KIF15: variants seen among roughly 807,000 people sequenced by gnomAD.
KIF15 encodes the protein kinesin family member 15.
In KIF15, 140 loss-of-function variants were observed where a neutral mutation model predicts 190.6. The ratio of observed to expected loss-of-function variants is 0.73; its 90% confidence interval spans 0.64 to 0.84. KIF15 has a LOEUF of 0.84. Ranked by LOEUF, KIF15 falls within the 40% of genes least tolerant of loss-of-function variation. The pLI is 0.00. For missense variants in KIF15, 1,372 were observed against 1,584.4 expected (o/e 0.87, Z 2.28); for synonymous variants, 528 against 551.3 (o/e 0.96, Z 0.59).
At chr3:44,813,995 G>A (rs570695053) in intron 19 of KIF15, among the ~76,000 whole-genome samples, 1 of 152,218 alleles carries the variant, frequency 6.6e-6, no homozygotes, top group African/African-American at 2.4e-5. Context: ...ACAAAGCGTA[G>A]GTTATATATT....
chr3:44,775,301 C>T lies in KIF15; in HGVS notation c.110C>T (p.Ala37Val). ...GTTTTTGTGCGAATTCGTCCTCCTG[C>T]AGAAAGATCTGGGTCAGCTGATGGA... ...IKVFVRIRPPAERSGSADGEQ... is the reference protein window; with the variant it reads ...IKVFVRIRPPVERSGSADGEQ... The change falls in exon 3 of 35, where the codon GCA becomes GTA. Residue 37 changes from alanine (A) to valine (V), a missense_variant. Transcript: ENST00000326047. 1 of 1,613,970 alleles carries T rather than the reference C, an allele frequency of 6.2e-7. No individual in the cohort carries two copies. The highest frequency in any genetic ancestry group is 1.1e-5 in the South Asian group (1 of 91,066).
At position 44,794,476 on chromosome 3, in the gene KIF15, G is replaced by A. The variant is rs765898506; in HGVS notation, c.849+50G>A. 8 of 1,372,598 alleles carry A rather than the reference G, an allele frequency of 5.8e-6. No individual in the cohort carries two copies. In the East Asian group the frequency reaches 1.2e-4, roughly 20 times the overall value. 85.0% of individuals were successfully genotyped at this position (1,372,598 alleles called of 1,614,324 possible). On this transcript the variant is annotated intron_variant, in intron 8 of 34. Transcript: ENST00000326047. Reference sequence around the variant, plus strand: ...ACTTGTGTGTGAGTTCTTACTAGCAGTCAATACAGTCGTGATGCATGACAG... The same window carrying A: ...ACTTGTGTGTGAGTTCTTACTAGCAATCAATACAGTCGTGATGCATGACAG...
rs1300020788 is a variant in KIF15, at chr3:44,859,957, G to A, written c.*59+7163G>A. Among the ~76,000 whole-genome samples the A allele has an allele frequency of 2.6e-5, 4 of 152,280 alleles. No homozygotes were observed. In the South Asian group the frequency reaches 8.3e-4, roughly 32 times the overall value. On this transcript the variant is annotated intron_variant and NMD_transcript_variant, in intron 6 of 6. Transcript: ENST00000422209. ...TCACTTCCCAGCAGTGTCTGAGGAT[G>A]GCATCACTTCAGCCATCATCACCAG...
At chr3:44,833,717 G>A (rs1459697833) in intron 26 of KIF15, among the ~76,000 whole-genome samples, 3 of 152,152 alleles carry the variant, frequency 2.0e-5, no homozygotes, top group African/African-American at 2.4e-5. Context: ...CTGTGGCCTA[G>A]GGGCTGGGGG....
chr3:44,828,841 C>G (rs1399622931), intron 24 of KIF15, among the ~76,000 whole-genome samples: 2 of 151,648 alleles, frequency 1.3e-5, no homozygotes, highest in Non-Finnish European at 2.9e-5. Flanking sequence ...AGTTCGAGAC[C>G]AGCCTGACCA....
intron 13 of KIF15, among the ~76,000 whole-genome samples, 174 bp downstream of exon 13, chr3:44,802,148 G>A (rs933661046): frequency 6.6e-6 from 1 of 152,230 alleles, no homozygotes; most frequent in African/African-American, 2.4e-5. Flanking sequence ...AAAGGGAAGA[G>A]AAGGGGAGAA....
At chr3:44,840,826 G>A (rs11926748) in intron 28 of KIF15, among the ~76,000 whole-genome samples, 91,329 of 151,426 alleles carry the variant, frequency 0.6, 28,171 homozygotes, top group East Asian at 0.89. Flanking sequence ...ACACTGCCAC[G>A]CCTGGCTAAT....
chr3:44,799,634 G>GC (rs1205752105), intron 10 of KIF15, among the ~76,000 whole-genome samples: 1 of 149,776 alleles, frequency 6.7e-6, no homozygotes, highest in Non-Finnish European at 1.5e-5. Flanking sequence ...TGTGTGACCT[G>GC]CCCCACTCTT....
intron 23 of KIF15, among the ~76,000 whole-genome samples, chr3:44,827,811 T>C (rs1291418339): frequency 6.6e-6 from 1 of 152,050 alleles, no homozygotes; most frequent in African/African-American, 2.4e-5. Context: ...GCCTCTCGAG[T>C]AGCTGGGACT....
chr3:44,837,360 G>T (rs981018610), intron 26 of KIF15, among the ~76,000 whole-genome samples: 2 of 152,048 alleles, frequency 1.3e-5, no homozygotes, highest in Admixed American at 6.5e-5. Context: ...TCAGCCTAAA[G>T]AAATAATCTA....
intron 17 of KIF15, among the ~76,000 whole-genome samples, chr3:44,811,411 T>C (rs141276045): frequency 0.019 from 2,838 of 152,268 alleles, 76 homozygotes; most frequent in African/African-American, 0.064. Flanking sequence ...TTTGGGAGGC[T>C]GAGGCAGGCA....
chr3:44,787,959 A>G (rs989704117), intron 7 of KIF15, among the ~76,000 whole-genome samples: 5 of 152,022 alleles, frequency 3.3e-5, no homozygotes, highest in East Asian at 1.9e-4. Context: ...GGTTCAAGCA[A>G]TTCTCGTGCC....
intron 34 of KIF15, 62 bp from the exon 35 acceptor site, chr3:44,852,611 A>C (rs556551577): frequency 9.9e-5 from 128 of 1,294,162 alleles, no homozygotes; most frequent in East Asian, 4.5e-4. Flanking sequence ...GCAAAAAAAA[A>C]CCACTTCCTG....
rs116404700 is a variant in KIF15 at position 44,792,018 on chromosome 3, C to T, written c.640-2199C>T. ...ACAGGCGTGAGCCATAGTGCCCGGC[C>T]GCTTTTTTTAGATAATAGTATTTTG... On this transcript the variant is annotated intron_variant, in intron 7 of 34. Coordinates refer to ENST00000326047, the MANE Select transcript of KIF15 (RefSeq NM_020242.3). 9.0e-3 allele frequency among the ~76,000 whole-genome samples: 1,371 copies of T among 152,104 alleles called. 19 individuals carry two copies. The highest frequency in any genetic ancestry group is 0.03 in the African/African-American group (1,245 of 41,482).
chr3:44,789,471 C>A (rs1218235475), intron 7 of KIF15, among the ~76,000 whole-genome samples: 1 of 151,162 alleles, frequency 6.6e-6, no homozygotes, highest in Admixed American at 6.6e-5. Context: ...GGATTAATAA[C>A]CTTTTTCTTA....
intron 20 of KIF15, among the ~76,000 whole-genome samples, chr3:44,816,796 A>G (rs995470075): frequency 2.0e-5 from 3 of 152,192 alleles, no homozygotes; most frequent in African/African-American, 7.2e-5. Context: ...CTAGTTCTAG[A>G]TCCTTGAGGG....
intron 32 of KIF15, among the ~76,000 whole-genome samples, chr3:44,850,816 A>G (rs1471875036): frequency 6.6e-6 from 1 of 152,206 alleles, no homozygotes; most frequent in African/African-American, 2.4e-5. Flanking sequence ...TCATCTTAGC[A>G]ATCAACCGCT....
At chr3:44,813,609 T>C (rs1176998503) in intron 19 of KIF15, among the ~76,000 whole-genome samples, 1 of 148,854 alleles carries the variant, frequency 6.7e-6, no homozygotes, top group East Asian at 2.1e-4. Context: ...TTGGTCATTT[T>C]TTTTTTGTTT....
In KIF15 at chr3:44,786,453, A is replaced by C. The variant is rs770266778; in HGVS notation, c.518A>C (p.Gln173Pro). The part of the protein sequence containing the change: ...KCSFIEIYNE[Q>P]IYDLLDSASA... Reference sequence around the variant, plus strand: ...TCCTTTATTGAAATCTACAACGAGCAGATATATGATCTACTGGACTCTGCA... The same window carrying C: ...TCCTTTATTGAAATCTACAACGAGCCGATATATGATCTACTGGACTCTGCA... The change falls in exon 7 of 35, where the codon CAG becomes CCG. Residue 173 changes from glutamine to proline, a missense_variant. By Grantham distance (76) the Gln-to-Pro change is moderately conservative. Coordinates refer to ENST00000326047, the MANE Select transcript of KIF15 (RefSeq NM_020242.3). 3 of 1,613,270 alleles carry C rather than the reference A, an allele frequency of 1.9e-6. No individual in the cohort carries two copies. The highest frequency in any genetic ancestry group is 2.2e-5 in the South Asian group (2 of 90,954).
Sources: gnomAD v4.1 joint callset for allele counts (sites outside exome capture counted in the v4.1 genomes callset) on GRCh38, gnomAD v4.1.1 for gene constraint, MANE v1.5 for transcripts, NCBI Gene and HGNC (gene_info 2026-07-23, HGNC 2026-07-21) for gene names.